Variants in ROBO1 observed in about 807,000 individuals in gnomAD.
ROBO1 encodes the protein roundabout homolog 1.
ROBO1 carries 149 observed loss-of-function variants against 195.9 expected under a neutral mutation model. That is an observed-to-expected ratio of 0.76 (90% CI 0.67 to 0.87). The LOEUF (loss-of-function observed/expected upper bound fraction) is 0.87, where lower values mean the gene tolerates loss of function less well. Among genes scored for constraint, ROBO1 ranks in the 40% least tolerant of loss-of-function variants. The probability of loss-of-function intolerance (pLI) is 0.00; values close to 1 mark genes in which losing one functional copy is unlikely to be tolerated. For synonymous variants in ROBO1, 816 were observed against 733.2 expected (o/e 1.11, Z -1.82); for missense variants, 1,933 against 2,068.3 (o/e 0.93, Z 1.27).
At chr3:79,688,668 A>G (rs960539538) in intron 1 of ROBO1, among the ~76,000 whole-genome samples, 3 of 152,078 alleles carry the variant, frequency 2.0e-5, no homozygotes, top group Non-Finnish European at 4.4e-5. Flanking sequence ...CTATTTTACA[A>G]TTTATAAGAA....
intron 1 of ROBO1, among the ~76,000 whole-genome samples, chr3:79,646,464 A>C (rs1455961714): frequency 2.0e-5 from 3 of 152,168 alleles, no homozygotes; most frequent in Non-Finnish European, 4.4e-5. Flanking sequence ...TTGGGAATGT[A>C]AATTAGAACA....
intron 2 of ROBO1, among the ~76,000 whole-genome samples, chr3:79,415,879 C>A (rs907886565): frequency 6.6e-6 from 1 of 152,000 alleles, no homozygotes; most frequent in Non-Finnish European, 1.5e-5. Context: ...TGGGTAACAA[C>A]GGGTTTCAAG....
chr3:79,272,898 C>T (rs766081329), intron 2 of ROBO1, among the ~76,000 whole-genome samples: 18 of 152,046 alleles, frequency 1.2e-4, no homozygotes, highest in Non-Finnish European at 1.6e-4. Context: ...GAAATCAATA[C>T]ATTTGGCGGC....
chr3:79,472,677 T>C (rs747016118), intron 2 of ROBO1, among the ~76,000 whole-genome samples: 4 of 152,144 alleles, frequency 2.6e-5, no homozygotes, highest in Non-Finnish European at 5.9e-5. Flanking sequence ...ACCAATTTTA[T>C]TTGAGTGTCA....
chr3:78,935,508 G>A (rs2039756607), intron 4 of ROBO1, among the ~76,000 whole-genome samples: 1 of 152,012 alleles, frequency 6.6e-6, no homozygotes, highest in African/African-American at 2.4e-5. Flanking sequence ...ATTTGTGACA[G>A]GCATAACATG....
At chr3:78,704,025 G>A (rs1274664931) in intron 8 of ROBO1, among the ~76,000 whole-genome samples, 10 of 151,832 alleles carry the variant, frequency 6.6e-5, no homozygotes, top group African/African-American at 4.8e-5. Flanking sequence ...GCCTTGGGGG[G>A]GTCTCATAAT....
chr3:79,504,596 A>G (rs774864598), intron 2 of ROBO1, among the ~76,000 whole-genome samples: 5 of 152,200 alleles, frequency 3.3e-5, no homozygotes, highest in Non-Finnish European at 5.9e-5. Context: ...ATTATTTTAG[A>G]TAGCTCATTA....
At chr3:78,639,946 A>G (rs1188205183) in intron 21 of ROBO1, 48 bp from the exon 22 acceptor site, 3 of 1,372,168 alleles carry the variant, frequency 2.2e-6, no homozygotes, top group Admixed American at 2.6e-5. Context: ...AATAGAGAGT[A>G]ATATTTTCTA....
chr3:79,760,485 C>T (rs910638211), intron 1 of ROBO1, among the ~76,000 whole-genome samples: 1 of 123,360 alleles, frequency 8.1e-6, no homozygotes, highest in African/African-American at 2.9e-5. Context: ...AAATATATTT[C>T]CAATGCAATA....
chr3:79,423,677 C>A (rs995339890), intron 2 of ROBO1, among the ~76,000 whole-genome samples: 12 of 151,930 alleles, frequency 7.9e-5, no homozygotes, highest in Non-Finnish European at 1.5e-4. Context: ...AGTCAGCATA[C>A]CAGTACTATT....
rs561925407 is a variant in ROBO1 at position 79,405,419 on chromosome 3, C to G, written c.88+184405G>C. ...TCTGCAAGGAAGCACATTATGCTTTCTCTGATAGGGCCCAGTCACCTCTGT... is the reference window on the plus strand; with the variant it reads ...TCTGCAAGGAAGCACATTATGCTTTGTCTGATAGGGCCCAGTCACCTCTGT... On this transcript the variant is annotated intron_variant, in intron 2 of 30. Coordinates refer to ENST00000464233, the MANE Select transcript of ROBO1 (RefSeq NM_002941.4). 3.3e-5 allele frequency among the ~76,000 whole-genome samples: 5 copies of G among 152,306 alleles called. No homozygotes were observed. The South Asian group carries it at 8.3e-4, about 25-fold the overall frequency.
At chr3:79,190,267 C>T (rs1012490366) in intron 2 of ROBO1, among the ~76,000 whole-genome samples, 9 of 151,586 alleles carry the variant, frequency 5.9e-5, no homozygotes, top group Non-Finnish European at 1.2e-4. Context: ...GGAATGTTGT[C>T]TAGGAGAACT....
intron 2 of ROBO1, among the ~76,000 whole-genome samples, chr3:79,445,459 T>C (rs919561191): frequency 6.6e-6 from 1 of 151,520 alleles, no homozygotes; most frequent in Non-Finnish European, 1.5e-5. Context: ...CTGTATTTTT[T>C]TTGGTAAACA....
chr3:79,125,424 G>C, intron 3 of ROBO1, 32 bp downstream of exon 3: 1 of 1,566,358 alleles, frequency 6.4e-7, no homozygotes, highest in Non-Finnish European at 8.8e-7. Context: ...CATTTCAGGA[G>C]GAAGTTAGTA....
At chr3:79,516,865 C>T (rs1410382011) in intron 2 of ROBO1, among the ~76,000 whole-genome samples, 1 of 152,062 alleles carries the variant, frequency 6.6e-6, no homozygotes, top group African/African-American at 2.4e-5. Flanking sequence ...GGTTTTTGTG[C>T]ATTTTTTACA....
At chr3:79,265,532 C>T (rs1408454616) in intron 2 of ROBO1, among the ~76,000 whole-genome samples, 1 of 151,228 alleles carries the variant, frequency 6.6e-6, no homozygotes, top group Non-Finnish European at 1.5e-5. Context: ...TACAGCCAAA[C>T]AATTATTTGC....
chr3:79,126,020 T>TG (rs2080209434), intron 2 of ROBO1, among the ~76,000 whole-genome samples: 2 of 152,060 alleles, frequency 1.3e-5, no homozygotes, highest in Non-Finnish European at 2.9e-5. Context: ...AGGGAGGATG[T>TG]GGGGAAAAAC....
intron 3 of ROBO1, among the ~76,000 whole-genome samples, chr3:79,089,851 C>T (rs1303022665): frequency 1.3e-5 from 2 of 151,748 alleles, no homozygotes; most frequent in African/African-American, 4.8e-5. Flanking sequence ...TTTCTATTGG[C>T]GTTGTGTATT....
At chr3:79,547,005 A>C (rs975544275) in intron 2 of ROBO1, among the ~76,000 whole-genome samples, 1 of 151,460 alleles carries the variant, frequency 6.6e-6, no homozygotes, top group Non-Finnish European at 1.5e-5. Context: ...CAGGGTGAAA[A>C]CCCATCTGTA....
Sources: gnomAD v4.1 joint callset for allele counts (sites outside exome capture counted in the v4.1 genomes callset) on GRCh38, gnomAD v4.1.1 for gene constraint, MANE v1.5 for transcripts, NCBI Gene and HGNC (gene_info 2026-07-23, HGNC 2026-07-21) for gene names.